MTFMT: variants seen among roughly 807,000 people sequenced by gnomAD.
MTFMT encodes the protein methionyl-tRNA formyltransferase, mitochondrial.
MTFMT carries 47 observed loss-of-function variants against 51.8 expected under a neutral mutation model. That is an observed-to-expected ratio of 0.91 (90% confidence interval 0.72 to 1.16). MTFMT has a LOEUF of 1.16. Among genes scored for constraint, MTFMT ranks in the 50% most tolerant of loss-of-function variants. The pLI is 0.00. For synonymous variants in MTFMT, 196 were observed against 176.7 expected (o/e 1.11, Z -0.87); for missense variants, 512 against 482.3 (o/e 1.06, Z -0.58).
chr15:65,020,095 C>A (rs964689010), intron 5 of MTFMT, 102 bp downstream of exon 5: 5 of 1,129,170 alleles, frequency 4.4e-6, no homozygotes, highest in African/African-American at 1.6e-5. Context: ...GGCACTCAAT[C>A]AAAATTAAGG....
At chr15:65,011,677 G>A (rs573868393) in intron 6 of MTFMT, among the ~76,000 whole-genome samples, 1 of 151,480 alleles carries the variant, frequency 6.6e-6, no homozygotes, top group Admixed American at 6.6e-5. Flanking sequence ...TTTACTTTTT[G>A]TAATGATGGG....
intron 6 of MTFMT, among the ~76,000 whole-genome samples, chr15:65,015,573 G>A (rs971368948): frequency 6.6e-6 from 1 of 151,970 alleles, no homozygotes; most frequent in Non-Finnish European, 1.5e-5. Flanking sequence ...ACAGTGGCTC[G>A]TGCCTGTAAT....
chr15:65,026,928 A>G lies in MTFMT; in HGVS notation c.322T>C (p.Tyr108His). Residue 108 changes from tyrosine to histidine, a missense_variant, in exon 2 of 9, where the codon TAT becomes CAT. Coordinates refer to ENST00000220058, the MANE Select transcript of MTFMT (RefSeq NM_139242.4). ...QYAVQSQLPVYEWPDVGSGEY... is the reference protein window; with the variant it reads ...QYAVQSQLPVHEWPDVGSGEY... ...CCAGATCCCACATCCGGCCACTCAT[A>G]TACGGGAAGCTGAGACTGCACAGCA... The G allele has an allele frequency of 1.9e-6, 3 of 1,613,980 alleles. No individual in the cohort carries two copies. The highest frequency in any genetic ancestry group is 1.7e-6 in the Non-Finnish European group (2 of 1,179,876).
At chr15:65,006,237 T>C in intron 6 of MTFMT, 46 bp from the exon 7 acceptor site, 1 of 1,456,830 alleles carries the variant, frequency 6.9e-7, no homozygotes. Context: ...TACACTCAAC[T>C]CCCAAACCCT....
rs747614238 is a variant in MTFMT at position 65,006,180 on chromosome 15, C to T, written c.825G>A (p.Gln275=). Residue 275 remains glutamine (Q), a synonymous_variant, in exon 7 of 9, where the codon CAG becomes CAA. Transcript: ENST00000220058. ...TAATGGTATTCGCCATCCAGAGCGT[C>T]TGCAACGGAATCTGCAAGTAAAATT... The part of the protein sequence containing the change: ...YRAIGNIIPL[Q]TLWMANTIKL... 6.2e-7 allele frequency: 1 copy of T among 1,612,004 alleles called. No individual in the cohort carries two copies. The highest frequency in any genetic ancestry group is 1.7e-5 in the Admixed American group (1 of 59,960).
chr15:65,027,323 G>A (rs970842999), intron 1 of MTFMT, among the ~76,000 whole-genome samples: 31 of 151,242 alleles, frequency 2.0e-4, no homozygotes, highest in African/African-American at 7.1e-4. Context: ...TCAGTCTCCC[G>A]AATAGCTGGG....
At chr15:65,010,324 C>T (rs2086253344) in intron 6 of MTFMT, among the ~76,000 whole-genome samples, 1 of 150,948 alleles carries the variant, frequency 6.6e-6, no homozygotes, top group South Asian at 2.1e-4. Context: ...TTTTTTCTTG[C>T]CTAATTTTTA....
intron 3 of MTFMT, 27 bp downstream of exon 3, chr15:65,023,645 A>G: frequency 6.2e-7 from 1 of 1,609,364 alleles, no homozygotes; most frequent in Non-Finnish European, 8.5e-7. Flanking sequence ...AATCACAAAA[A>G]TCTCAAGAAA....
At chr15:65,018,543 C>T (rs897686280) in intron 5 of MTFMT, among the ~76,000 whole-genome samples, 1 of 152,074 alleles carries the variant, frequency 6.6e-6, no homozygotes, top group African/African-American at 2.4e-5. Flanking sequence ...CCTTATCTTG[C>T]CATACATTGT....
At chr15:65,019,254 T>C (rs577398618) in intron 5 of MTFMT, among the ~76,000 whole-genome samples, 6 of 152,378 alleles carry the variant, frequency 3.9e-5, no homozygotes, top group Non-Finnish European at 2.9e-5. Context: ...TCTGATATCT[T>C]GGCTTACTCA....
rs1273671129 is a variant in MTFMT, at chr15:65,001,774, G to A, written c.*1288C>T. The A allele has an allele frequency of 6.6e-6, 1 of 152,030 alleles. No individual in the cohort carries two copies. Among genetic ancestry groups the A allele is most frequent in the Non-Finnish European group, 1.5e-5 (1 of 68,040 alleles). The allele number at this position is 152,030 out of a possible 1,614,324, so 9.4% of individuals were successfully genotyped here. A position where few individuals can be genotyped will look rare whatever the true frequency, so the allele number is the denominator to read the frequency against. On this transcript the variant is annotated 3_prime_UTR_variant, in exon 9 of 9. Coordinates refer to ENST00000220058, the MANE Select transcript of MTFMT (RefSeq NM_139242.4). Reference sequence around the variant, plus strand: ...CCACTTTGGGAGGCTGAGGCTGGAGGATCACTTAAGCCCAGGAGGTTGAAG... The same window carrying A: ...CCACTTTGGGAGGCTGAGGCTGGAGAATCACTTAAGCCCAGGAGGTTGAAG...
chr15:65,020,328 CA>C, intron 4 of MTFMT, 56 bp from the exon 5 acceptor site: 1 of 1,419,382 alleles, frequency 7.0e-7, no homozygotes, highest in Non-Finnish European at 9.8e-7. Flanking sequence ...AGAACAAAAG[CA>C]GAAACACATT....
Position 65,020,289 on chromosome 15 carries a change from AAG to A in MTFMT, c.646-19_646-18del, listed in dbSNP as rs1555403743. ...TGAAATGAGCTACAAAAAAAAAAAA[AAG>A]AGTGTGATATATTCAAAATGAAGGG... On this transcript the variant is annotated intron_variant, in intron 4 of 8. Coordinates refer to ENST00000220058, the MANE Select transcript of MTFMT (RefSeq NM_139242.4). 262 of 1,595,192 alleles carry A rather than the reference AAG, an allele frequency of 1.6e-4. No homozygotes were observed. Among genetic ancestry groups the A allele is most frequent in the Admixed American group, 5.3e-4 (31 of 58,958 alleles).
intron 6 of MTFMT, among the ~76,000 whole-genome samples, chr15:65,006,552 A>C (rs2086221281): frequency 6.6e-6 from 1 of 151,768 alleles, no homozygotes; most frequent in Non-Finnish European, 1.5e-5. Flanking sequence ...AATTTTTTGT[A>C]TTTTAAGTAG....
intron 6 of MTFMT, 63 bp downstream of exon 6, chr15:65,016,373 G>T: frequency 2.2e-6 from 2 of 894,436 alleles, no homozygotes; most frequent in South Asian, 1.8e-5. Context: ...AAAATATTTA[G>T]AAAGCAAATT....
intron 6 of MTFMT, among the ~76,000 whole-genome samples, chr15:65,013,788 A>G (rs1047477798): frequency 1.7e-4 from 26 of 152,090 alleles, no homozygotes; most frequent in African/African-American, 3.1e-4. Context: ...TACTAAAAAT[A>G]CAAAAAAATG....
In MTFMT at chr15:65,006,119, G is replaced by C; in HGVS notation, c.886C>G (p.Leu296Val). The C allele has an allele frequency of 6.2e-7, 1 of 1,611,904 alleles. No individual in the cohort carries two copies. The highest frequency in any genetic ancestry group is 8.5e-7 in the Non-Finnish European group (1 of 1,178,538). The change falls in exon 7 of 9, where the codon CTT becomes GTT. Residue 296 changes from leucine to valine, a missense_variant. By Grantham distance (32) the Leu-to-Val change is conservative. Coordinates refer to ENST00000220058, the MANE Select transcript of MTFMT (RefSeq NM_139242.4). ...GCTATTCAAAAGTTAGTACCAGCAA[G>C]GACTGAACTGTTAACTTCTACCAAA... is the stretch of plus-strand genomic sequence containing the variant. ...LDLVEVNSSV[L>V]ADPKLTGQAL...
chr15:65,023,006 A>G lies in MTFMT; in HGVS notation c.542+666T>C, dbSNP rs568028119. Among the ~76,000 whole-genome samples the G allele has an allele frequency of 5.3e-5, 8 of 152,196 alleles. No homozygotes were observed. The East Asian group carries it at 7.7e-4, about 15-fold the overall frequency. ...GCCTGGCTCAGATTTTAGAACTACC[A>G]AAGTTTTGCCACTCTTGTCTCATCT... On this transcript the variant is annotated intron_variant, in intron 3 of 8. Transcript: ENST00000220058.
Position 65,011,151 on chromosome 15 carries a change from G to A in MTFMT, c.814-4960C>T, listed in dbSNP as rs546242671. On this transcript the variant is annotated intron_variant, in intron 6 of 8. Transcript: ENST00000220058. ...AGCCAGGTCAACATGGTGAAACCCC[G>A]TCTCTACTAAAAGTACAAAAATTAG... Among the ~76,000 whole-genome samples the A allele has an allele frequency of 3.9e-5, 6 of 151,992 alleles. No individual in the cohort carries two copies. In the South Asian group the frequency reaches 1.0e-3, roughly 26 times the overall value.
Sources: allele counts gnomAD v4.1 joint callset (sites outside exome capture counted in the v4.1 genomes callset), GRCh38; gene constraint gnomAD v4.1.1; transcripts MANE v1.5; gene names NCBI Gene and HGNC (gene_info 2026-07-23, HGNC 2026-07-21).